AGBL4: variants seen among roughly 807,000 people sequenced by gnomAD.
The protein encoded by AGBL4 is cytosolic carboxypeptidase 6.
AGBL4 carries 58 observed loss-of-function variants against 66.4 expected under a neutral mutation model. That is an observed-to-expected ratio of 0.87 (90% CI 0.71 to 1.09). The LOEUF (loss-of-function observed/expected upper bound fraction) is 1.09, where lower values mean the gene tolerates loss of function less well. Ranked by LOEUF, AGBL4 falls within the 50% of genes least tolerant of loss-of-function variation. AGBL4 has a pLI of 0.00. For missense variants in AGBL4, 579 were observed against 631.0 expected, an observed-to-expected ratio of 0.92 and a Z score of 0.88; for synonymous variants, 234 against 222.9, an observed-to-expected ratio of 1.05 and a Z score of -0.44.
intron 6 of AGBL4, among the ~76,000 whole-genome samples, chr1:48,758,402 T>A (rs1266440221): frequency 6.6e-6 from 1 of 152,140 alleles, no homozygotes; most frequent in Non-Finnish European, 1.5e-5. Context: ...CCTTCAAAGC[T>A]CAGTTTCTTA....
At chr1:49,604,194 G>A (rs946215807) in intron 3 of AGBL4, among the ~76,000 whole-genome samples, 1 of 152,062 alleles carries the variant, frequency 6.6e-6, no homozygotes, top group Non-Finnish European at 1.5e-5. Context: ...CTCCCACCGG[G>A]AGTGTATAAG....
chr1:49,603,789 C>T (rs183442285), intron 3 of AGBL4, among the ~76,000 whole-genome samples: 83 of 152,122 alleles, frequency 5.5e-4, no homozygotes, highest in African/African-American at 1.8e-3. Flanking sequence ...TAGCTTAGGC[C>T]GCACTTGTAA....
At chr1:50,019,306 T>TCACACACACACACACACA (rs35648756) in intron 1 of AGBL4, among the ~76,000 whole-genome samples, 3 of 48,402 alleles carry the variant, frequency 6.2e-5, no homozygotes, top group Non-Finnish European at 1.1e-4. Context: ...TCTCTCTCTC[T>TCACACACACACACACACA]CACACACACA....
chr1:48,605,812 G>C (rs1645146303), intron 9 of AGBL4, among the ~76,000 whole-genome samples: 1 of 152,158 alleles, frequency 6.6e-6, no homozygotes, highest in Non-Finnish European at 1.5e-5. Flanking sequence ...TGTTTAACAG[G>C]GAGAGAGAAA....
chr1:49,841,641 G>A lies in AGBL4; in HGVS notation c.157+9755C>T, dbSNP rs141711897. On this transcript the variant is annotated intron_variant, in intron 2 of 13. Coordinates refer to ENST00000371839, the MANE Select transcript of AGBL4 (RefSeq NM_032785.4). Reference sequence around the variant, plus strand: ...AACAGTATGGTGCTGGTACTAAAACGGACACAGAGATCAATGGAACAGAAT... The same window carrying A: ...AACAGTATGGTGCTGGTACTAAAACAGACACAGAGATCAATGGAACAGAAT... Among the ~76,000 whole-genome samples, 41 of 151,972 alleles carry A rather than the reference G, an allele frequency of 2.7e-4. 1 individual carries two copies. In the East Asian group the frequency reaches 6.6e-3, roughly 24 times the overall value.
intron 4 of AGBL4, among the ~76,000 whole-genome samples, chr1:49,083,633 G>C (rs1040135993): frequency 1.3e-5 from 2 of 152,202 alleles, no homozygotes; most frequent in African/African-American, 4.8e-5. Flanking sequence ...TGATAGGAGG[G>C]GCTGCCATGA....
intron 3 of AGBL4, among the ~76,000 whole-genome samples, chr1:49,493,996 A>G (rs889871736): frequency 6.6e-6 from 1 of 151,914 alleles, no homozygotes; most frequent in Non-Finnish European, 1.5e-5. Flanking sequence ...AAAGGTAAAG[A>G]TAAGACTTTC....
At chr1:49,449,692 G>A (rs915041330) in intron 3 of AGBL4, among the ~76,000 whole-genome samples, 3 of 151,826 alleles carry the variant, frequency 2.0e-5, no homozygotes, top group Non-Finnish European at 4.4e-5. Context: ...GAGGTTGTAC[G>A]GTGGTTTTTC....
At chr1:48,993,077 T>C (rs531920895) in intron 5 of AGBL4, among the ~76,000 whole-genome samples, 7 of 152,268 alleles carry the variant, frequency 4.6e-5, no homozygotes, top group Middle Eastern at 3.4e-3. Flanking sequence ...CCACCATAGA[T>C]GGGAATGTCC....
chr1:49,510,848 C>A (rs1370090362), intron 3 of AGBL4, among the ~76,000 whole-genome samples: 1 of 149,726 alleles, frequency 6.7e-6, no homozygotes, highest in Admixed American at 6.7e-5. Context: ...GGAATCCTTT[C>A]CCCATTGCTT....
intron 5 of AGBL4, among the ~76,000 whole-genome samples, chr1:48,867,529 C>T (rs1648227484): frequency 6.6e-6 from 1 of 152,028 alleles, no homozygotes; most frequent in Non-Finnish European, 1.5e-5. Flanking sequence ...CACCTAGAGC[C>T]ACAGAGAAGG....
At chr1:49,838,212 A>G (rs1277456246) in intron 2 of AGBL4, among the ~76,000 whole-genome samples, 4 of 152,208 alleles carry the variant, frequency 2.6e-5, no homozygotes, top group Admixed American at 6.5e-5. Context: ...AAAGCTATTG[A>G]TATCCTGAGA....
At chr1:49,806,351 TA>T (rs1395416151) in intron 2 of AGBL4, among the ~76,000 whole-genome samples, 1 of 152,242 alleles carries the variant, frequency 6.6e-6, no homozygotes, top group Non-Finnish European at 1.5e-5. Context: ...GTCTGTGTCC[TA>T]GTATTTTGTT....
At chr1:48,901,148 T>C (rs1652043091) in intron 5 of AGBL4, among the ~76,000 whole-genome samples, 1 of 152,034 alleles carries the variant, frequency 6.6e-6, no homozygotes, top group South Asian at 2.1e-4. Context: ...ATTAGGAAAA[T>C]GCAAATTAAA....
chr1:49,321,437 G>A (rs755195318), intron 3 of AGBL4, among the ~76,000 whole-genome samples: 3 of 152,048 alleles, frequency 2.0e-5, no homozygotes, highest in Non-Finnish European at 4.4e-5. Context: ...GTTAAGTGCT[G>A]GTCAAAAAGT....
chr1:48,760,622 A>G (rs561589038), intron 6 of AGBL4, among the ~76,000 whole-genome samples: 1 of 152,218 alleles, frequency 6.6e-6, no homozygotes, highest in Non-Finnish European at 1.5e-5. Flanking sequence ...GGCCAGGCGC[A>G]TAGCAGGAGT....
At chr1:48,624,037 A>G (rs1645458576) in intron 9 of AGBL4, among the ~76,000 whole-genome samples, 1 of 152,174 alleles carries the variant, frequency 6.6e-6, no homozygotes, top group Non-Finnish European at 1.5e-5. Context: ...AACCAGTGTA[A>G]ATTGAATAGA....
At chr1:49,932,630 C>T (rs1295574307) in intron 1 of AGBL4, among the ~76,000 whole-genome samples, 9 of 151,762 alleles carry the variant, frequency 5.9e-5, no homozygotes, top group Admixed American at 5.9e-4. Context: ...TATATAACAA[C>T]CCCTCAAAAC....
chr1:49,137,975 A>T (rs1646045382), intron 4 of AGBL4, among the ~76,000 whole-genome samples: 1 of 152,166 alleles, frequency 6.6e-6, no homozygotes, highest in Admixed American at 6.6e-5. Flanking sequence ...AACAAGGAAG[A>T]TTTACATACA....
Sources: allele counts gnomAD v4.1 joint callset (sites outside exome capture counted in the v4.1 genomes callset), GRCh38; gene constraint gnomAD v4.1.1; transcripts MANE v1.5; gene names NCBI Gene and HGNC (gene_info 2026-07-23, HGNC 2026-07-21).